The following ZNF609 variants were observed in gnomAD, a reference collection of about 807,000 sequenced individuals.
The protein encoded by ZNF609 is zinc finger protein 609.
A neutral mutation model predicts 109.5 loss-of-function variants in ZNF609; 11 were observed. That is an observed-to-expected ratio of 0.10 (90% CI 0.06 to 0.17). The LOEUF is 0.17. ZNF609 is among the 10% of genes least tolerant of loss of function. The pLI is 1.00. For synonymous variants in ZNF609, 646 were observed against 662.0 expected (o/e 0.98, Z 0.37); for missense variants, 1,559 against 1,772.4 (o/e 0.88, Z 2.16).
At chr15:64,550,312 TTTG>T (rs1198529358) in intron 2 of ZNF609, among the ~76,000 whole-genome samples, 9 of 136,016 alleles carry the variant, frequency 6.6e-5, no homozygotes, top group Non-Finnish European at 1.3e-4. Context: ...TGAATTGGGG[TTTG>T]TTGTTGTTAT....
At chr15:64,622,179 T>C (rs1447855450) in intron 2 of ZNF609, among the ~76,000 whole-genome samples, 2 of 152,218 alleles carry the variant, frequency 1.3e-5, no homozygotes, top group African/African-American at 4.8e-5. Context: ...AAACAACCAC[T>C]GTTACATGTT....
At chr15:64,487,800 A>AT (rs1021039525) in intron 1 of ZNF609, among the ~76,000 whole-genome samples, 6 of 151,624 alleles carry the variant, frequency 4.0e-5, no homozygotes, top group African/African-American at 1.5e-4. Flanking sequence ...GCCCAGCTAA[A>AT]TTTTTTTGTA....
intron 1 of ZNF609, among the ~76,000 whole-genome samples, chr15:64,464,200 C>T (rs926016737): frequency 6.6e-6 from 1 of 152,074 alleles, no homozygotes; most frequent in South Asian, 2.1e-4. Flanking sequence ...GACTGGAACA[C>T]GATAATTTGT....
rs1159394626 is a variant in ZNF609, at chr15:64,638,047, ATG to A, written c.973+14997_973+14998del. Among the ~76,000 whole-genome samples, 305 of 145,604 alleles carry A rather than the reference ATG, an allele frequency of 2.1e-3. 2 individuals carry two copies. Among genetic ancestry groups the A allele is most frequent in the Non-Finnish European group, 3.2e-3 (214 of 66,430 alleles). On this transcript the variant is annotated intron_variant, in intron 3 of 9. Transcript: ENST00000326648. ...TATATAAAAATACATATATATATAT[ATG>A]TATTTACATCCACAATCTATCTGGA...
intron 2 of ZNF609, among the ~76,000 whole-genome samples, chr15:64,572,430 CCT>C (rs1201915982): frequency 6.6e-6 from 1 of 151,658 alleles, no homozygotes; most frequent in Admixed American, 6.6e-5. Context: ...GAGATTGATC[CCT>C]GTTTTATTTT....
chr15:64,672,896 G>A (rs942730145), intron 4 of ZNF609, among the ~76,000 whole-genome samples: 4 of 151,592 alleles, frequency 2.6e-5, no homozygotes, highest in Admixed American at 6.6e-5. Context: ...CTAGGGAGTT[G>A]GAGGTTACAG....
intron 2 of ZNF609, among the ~76,000 whole-genome samples, chr15:64,532,086 C>T (rs1246455336): frequency 1.3e-5 from 2 of 152,092 alleles, no homozygotes; most frequent in African/African-American, 4.8e-5. Context: ...TCTGCTGTTC[C>T]TTGAAATGCA....
chr15:64,548,122 C>A lies in ZNF609; in HGVS notation c.747+47956C>A, dbSNP rs1487280278. 2.6e-5 allele frequency among the ~76,000 whole-genome samples: 4 copies of A among 152,180 alleles called. No individual in the cohort carries two copies. The East Asian group carries it at 7.7e-4, about 29-fold the overall frequency. ...ATTTTTTAGAAGAAATGGTTCCAAG[C>A]AAGCTATGCTGCGATCCCTCAACCA... On this transcript the variant is annotated intron_variant, in intron 2 of 9. Coordinates refer to ENST00000326648, the MANE Select transcript of ZNF609 (RefSeq NM_015042.2).
At position 64,678,458 on chromosome 15, in the gene ZNF609, G is replaced by T; in HGVS notation, c.3745G>T (p.Ala1249Ser). 1.3e-6 allele frequency: 2 copies of T among 1,595,300 alleles called. No homozygotes were observed. The highest frequency in any genetic ancestry group is 2.3e-5 in the South Asian group (2 of 87,388). ...CCACCCCAGCTACCGGAGCATGCCT[G>T]CTGTGATGATGCAGAACTACCCAGG... is the stretch of plus-strand genomic sequence containing the variant. ...PNHPSYRSMP[A>S]VMMQNYPGSY... The change falls in exon 6 of 10, where the codon GCT becomes TCT. Residue 1249 changes from alanine (A) to serine (S), a missense_variant. Ala to Ser is a moderately conservative substitution (Grantham distance 99). This residue lies in a region of ZNF609 where 1,204 missense variants were observed against 1,314.1 expected (regional missense o/e 0.92). Transcript: ENST00000326648.
intron 2 of ZNF609, among the ~76,000 whole-genome samples, chr15:64,528,166 C>T (rs918893536): frequency 2.2e-4 from 33 of 151,120 alleles, no homozygotes; most frequent in African/African-American, 7.8e-4. Flanking sequence ...GACGCGATCT[C>T]GGCTCACTGC....
chr15:64,628,729 G>A (rs146885981), intron 3 of ZNF609, among the ~76,000 whole-genome samples: 10,813 of 152,042 alleles, frequency 0.071, 693 homozygotes, highest in African/African-American at 0.17. Context: ...GGGTTCAAGC[G>A]ATTCTCCTGC....
At chr15:64,524,054 A>G (rs1893932710) in intron 2 of ZNF609, among the ~76,000 whole-genome samples, 1 of 151,726 alleles carries the variant, frequency 6.6e-6, no homozygotes, top group African/African-American at 2.4e-5. Context: ...AAATTGAGAA[A>G]TAATTCATGT....
intron 3 of ZNF609, among the ~76,000 whole-genome samples, chr15:64,667,896 C>T (rs1005355977): frequency 1.3e-5 from 2 of 152,098 alleles, no homozygotes; most frequent in Non-Finnish European, 2.9e-5. Flanking sequence ...GAGATGCTAA[C>T]CCCCAACCAG....
intron 2 of ZNF609, among the ~76,000 whole-genome samples, chr15:64,588,784 A>G (rs974415105): frequency 6.6e-6 from 1 of 151,868 alleles, no homozygotes; most frequent in Admixed American, 6.6e-5. Flanking sequence ...GATTACAGGC[A>G]TGTGTCACTA....
At chr15:64,556,896 A>G (rs1894597309) in intron 2 of ZNF609, among the ~76,000 whole-genome samples, 1 of 152,200 alleles carries the variant, frequency 6.6e-6, no homozygotes, top group South Asian at 2.1e-4. Context: ...AAAGGATTTA[A>G]TGCCATTTAT....
At chr15:64,631,768 T>G (rs1743534734) in intron 3 of ZNF609, 1 of 199,654 alleles carries the variant, frequency 5.0e-6, no homozygotes, top group African/African-American at 2.4e-5. Flanking sequence ...AGTCTCAAAT[T>G]CCTGACTTCA....
At chr15:64,586,123 G>A (rs1895190991) in intron 2 of ZNF609, among the ~76,000 whole-genome samples, 1 of 152,056 alleles carries the variant, frequency 6.6e-6, no homozygotes, top group South Asian at 2.1e-4. Flanking sequence ...TCAGGAGTTC[G>A]AGACCAGCCT....
At position 64,524,836 on chromosome 15, in the gene ZNF609, T is replaced by C. The variant is rs138099934; in HGVS notation, c.747+24670T>C. Among the ~76,000 whole-genome samples, 8 of 152,310 alleles carry C rather than the reference T, an allele frequency of 5.3e-5. No homozygotes were observed. In the East Asian group the frequency reaches 1.5e-3, roughly 29 times the overall value. Reference sequence around the variant, plus strand: ...GTTTTTTTTATTATATACCTAGGGATAGAATTGCTGGATTATGTGGTAACT... The same window carrying C: ...GTTTTTTTTATTATATACCTAGGGACAGAATTGCTGGATTATGTGGTAACT... On this transcript the variant is annotated intron_variant, in intron 2 of 9. Transcript: ENST00000326648.
At chr15:64,538,624 G>A (rs868535564) in intron 2 of ZNF609, among the ~76,000 whole-genome samples, 6 of 152,168 alleles carry the variant, frequency 3.9e-5, no homozygotes, top group African/African-American at 9.7e-5. Flanking sequence ...TTGGCTCACC[G>A]CAACCTCCGC....
Sources: allele counts gnomAD v4.1 joint callset (sites outside exome capture counted in the v4.1 genomes callset), GRCh38; gene constraint gnomAD v4.1.1; regional missense constraint gnomAD v4.1.1; transcripts MANE v1.5; gene names NCBI Gene and HGNC (gene_info 2026-07-23, HGNC 2026-07-21).